SLC35D4: variants seen among roughly 807,000 people sequenced by gnomAD.
SLC35D4 encodes the protein solute carrier family 35 member D4, also known as UDP-N-acetylglucosamine transporter SLC35D4.
the SLC35D4 span, among the ~76,000 whole-genome samples, chr18:23,377,428 G>C: frequency 6.6e-6 from 1 of 152,148 alleles, no homozygotes; most frequent in African/African-American, 2.4e-5. Flanking sequence ...TCTAGCACAG[G>C]TTGGTTCTGG....
the SLC35D4 span, among the ~76,000 whole-genome samples, chr18:23,264,872 T>C: frequency 1.3e-5 from 2 of 150,616 alleles, no homozygotes; most frequent in African/African-American, 4.9e-5. Context: ...TTCAAACTTG[T>C]GGGCTCAAGC....
the SLC35D4 span, among the ~76,000 whole-genome samples, chr18:23,280,381 C>T: frequency 6.6e-6 from 1 of 152,350 alleles, no homozygotes; most frequent in South Asian, 2.1e-4. Flanking sequence ...GCTGTCAGGG[C>T]CACTCTCCAC....
chr18:23,315,241 T>C, the SLC35D4 span, among the ~76,000 whole-genome samples: 1 of 152,208 alleles, frequency 6.6e-6, no homozygotes, highest in Non-Finnish European at 1.5e-5. Context: ...TTTCCTACCA[T>C]CATCTTGCTT....
the SLC35D4 span, among the ~76,000 whole-genome samples, chr18:23,292,216 G>A: frequency 3.3e-5 from 5 of 152,158 alleles, no homozygotes; most frequent in Admixed American, 2.0e-4. Context: ...TCCTGACATT[G>A]TCTCTCAGGG....
chr18:23,329,137 T>C, the SLC35D4 span, among the ~76,000 whole-genome samples: 3 of 152,300 alleles, frequency 2.0e-5, no homozygotes, highest in African/African-American at 7.2e-5. Context: ...ATTCAGGACA[T>C]AGGCATGGGC....
chr18:23,433,227 T>A, the SLC35D4 span, among the ~76,000 whole-genome samples: 2 of 151,954 alleles, frequency 1.3e-5, no homozygotes. Flanking sequence ...GCCCAGCTAA[T>A]TTTTGGCTAC....
At chr18:23,382,017 A>G in the SLC35D4 span, among the ~76,000 whole-genome samples, 3 of 152,284 alleles carry the variant, frequency 2.0e-5, no homozygotes, top group Admixed American at 2.0e-4. Context: ...AGGTGGGCGG[A>G]TCATGAGGTC....
At chr18:23,316,937 C>A in the SLC35D4 span, among the ~76,000 whole-genome samples, 1 of 152,160 alleles carries the variant, frequency 6.6e-6, no homozygotes, top group African/African-American at 2.4e-5. Context: ...TGCTTGGCCC[C>A]ATTTCTACAG....
the SLC35D4 span, among the ~76,000 whole-genome samples, chr18:23,324,981 G>T: frequency 1.3e-5 from 2 of 152,186 alleles, no homozygotes. Flanking sequence ...GTCCCAGGAA[G>T]ATTAGGCATG....
the SLC35D4 span, among the ~76,000 whole-genome samples, chr18:23,264,639 G>A: frequency 6.6e-6 from 1 of 152,026 alleles, no homozygotes; most frequent in African/African-American, 2.4e-5. Flanking sequence ...GGGATTATAG[G>A]CATGAGCCAC....
the SLC35D4 span, among the ~76,000 whole-genome samples, chr18:23,404,403 G>A: frequency 1.2e-4 from 19 of 152,282 alleles, no homozygotes; most frequent in South Asian, 4.1e-4. Flanking sequence ...GGCAAGGCGC[G>A]GTGGCTCACA....
At chr18:23,278,358 CT>C in the SLC35D4 span, among the ~76,000 whole-genome samples, 10 of 152,276 alleles carry the variant, frequency 6.6e-5, no homozygotes, top group South Asian at 2.1e-3. Context: ...ACAATGGGAG[CT>C]TAATGAACAC....
chr18:23,325,743 C>T, the SLC35D4 span, among the ~76,000 whole-genome samples: 1 of 152,030 alleles, frequency 6.6e-6, no homozygotes, highest in Non-Finnish European at 1.5e-5. Context: ...TATAAAGTAC[C>T]CCTCTTCATG....
At chr18:23,418,646 C>CA in the SLC35D4 span, among the ~76,000 whole-genome samples, 93 of 151,332 alleles carry the variant, frequency 6.1e-4, no homozygotes, top group African/African-American at 2.0e-3. Flanking sequence ...GTAGAGGAGC[C>CA]AAAAGTATTA....
At chr18:23,303,087 C>T in the SLC35D4 span, among the ~76,000 whole-genome samples, 8 of 152,294 alleles carry the variant, frequency 5.3e-5, no homozygotes, top group East Asian at 1.5e-3. Flanking sequence ...TCCCATGCCA[C>T]AGGGATCAGC....
the SLC35D4 span, among the ~76,000 whole-genome samples, chr18:23,394,540 C>A: frequency 6.6e-6 from 1 of 152,140 alleles, no homozygotes. Flanking sequence ...TCCTTTAAAG[C>A]ACCAAAATTT....
chr18:23,287,127 T>C, the SLC35D4 span, among the ~76,000 whole-genome samples: 1 of 151,858 alleles, frequency 6.6e-6, no homozygotes, highest in East Asian at 1.9e-4. Context: ...GCCTATAAAC[T>C]CTCCTTACAA....
chr18:23,309,726 A>T, the SLC35D4 span: 1 of 1,614,228 alleles, frequency 6.2e-7, no homozygotes, highest in Non-Finnish European at 8.5e-7. Context: ...AGCAATATTG[A>T]TAAGCCAGCT....
At chr18:23,317,528 T>A in the SLC35D4 span, among the ~76,000 whole-genome samples, 1 of 152,298 alleles carries the variant, frequency 6.6e-6, no homozygotes, top group South Asian at 2.1e-4. Flanking sequence ...ATGGAATATT[T>A]AATACTTATT....
Sources: gnomAD v4.1 joint callset for allele counts (sites outside exome capture counted in the v4.1 genomes callset) on GRCh38, gnomAD v4.1.1 for gene constraint, MANE v1.5 for transcripts, NCBI Gene and HGNC (gene_info 2026-07-23, HGNC 2026-07-21) for gene names.